CD48: variants seen among roughly 807,000 people sequenced by gnomAD.
CD48 encodes the protein CD48 antigen.
CD48 carries 20 observed loss-of-function variants against 22.0 expected under a neutral mutation model. That is an observed-to-expected ratio of 0.91 (90% CI 0.64 to 1.32). The LOEUF is 1.32. Ranked by LOEUF, CD48 falls within the 40% of genes most tolerant of loss-of-function variation. The probability of loss-of-function intolerance (pLI) is 0.00; values close to 1 mark genes in which losing one functional copy is unlikely to be tolerated. For missense variants in CD48, 307 were observed against 286.5 expected (o/e 1.07, Z -0.52); for synonymous variants, 110 against 110.1 (o/e 1.00, Z 0.01).
intron 1 of CD48, 41 bp downstream of exon 1, chr1:160,711,641 C>T (rs542657286): frequency 4.8e-6 from 7 of 1,453,000 alleles, no homozygotes; most frequent in Non-Finnish European, 6.8e-6. Context: ...CTGACCATGC[C>T]TTCAGTGCAC....
intron 1 of CD48, among the ~76,000 whole-genome samples, chr1:160,692,722 G>A (rs373757989): frequency 1.3e-5 from 2 of 151,896 alleles, no homozygotes; most frequent in South Asian, 2.1e-4. Context: ...ATACTGAGGC[G>A]TGGCAATTCC....
chr1:160,691,829 G>A, intron 1 of CD48: 1 of 365,444 alleles, frequency 2.7e-6, no homozygotes, highest in African/African-American at 2.1e-5. Context: ...AAGTCGACAA[G>A]AGATCCCGAG....
chr1:160,688,026 G>A (rs565248205), intron 1 of CD48, among the ~76,000 whole-genome samples: 5 of 152,278 alleles, frequency 3.3e-5, no homozygotes, highest in East Asian at 1.9e-4. Context: ...TATTCCAATC[G>A]CACTGCATTT....
intron 1 of CD48, among the ~76,000 whole-genome samples, chr1:160,705,004 A>G (rs1222776606): frequency 1.3e-5 from 2 of 152,192 alleles, no homozygotes; most frequent in East Asian, 3.9e-4. Context: ...AAGAAGAGGA[A>G]ATATGTCCTA....
intron 2 of CD48, chr1:160,684,542 A>G: frequency 1.7e-6 from 1 of 576,154 alleles, no homozygotes; most frequent in Non-Finnish European, 3.0e-6. Flanking sequence ...TCTTAAGTCC[A>G]ATGAAGCCTA....
At chr1:160,694,602 C>A (rs1662342626) in intron 1 of CD48, among the ~76,000 whole-genome samples, 1 of 152,022 alleles carries the variant, frequency 6.6e-6, no homozygotes, top group Admixed American at 6.6e-5. Flanking sequence ...GCGGAAATCA[C>A]CATGACCGCT....
intron 2 of CD48, 66 bp from the exon 3 acceptor site, chr1:160,681,534 C>A: frequency 6.4e-7 from 1 of 1,569,044 alleles, no homozygotes; most frequent in Non-Finnish European, 8.6e-7. Context: ...GTTTAGCCAA[C>A]AAAGAACAAA....
rs1378385422 is a variant in CD48, at chr1:160,711,318, A to C, written c.82+364T>G. On this transcript the variant is annotated intron_variant, in intron 1 of 3. Transcript: ENST00000368046. ...TCTCAAAGAATGCCTAAGGGAGTAC[A>C]GTGTGTCTGAGCATAAAATGCAGCA... Among the ~76,000 whole-genome samples the C allele has an allele frequency of 2.6e-5, 4 of 152,218 alleles. No individual in the cohort carries two copies. In the East Asian group the frequency reaches 5.8e-4, roughly 22 times the overall value.
chr1:160,684,804 G>A, intron 2 of CD48, 83 bp downstream of exon 2: 1 of 1,613,964 alleles, frequency 6.2e-7, no homozygotes, highest in Non-Finnish European at 8.5e-7. Context: ...CCCCGAGAGT[G>A]CCCCATGCCT....
rs72480260 is a variant in CD48, at chr1:160,696,751, G to T, written c.83-11562C>A. Among the ~76,000 whole-genome samples the T allele has an allele frequency of 4.1e-3, 582 of 141,016 alleles. 7 individuals are homozygous for T. In the East Asian group the frequency reaches 0.065, roughly 16 times the overall value. 92.5% of individuals were successfully genotyped at this position (141,016 alleles called of 152,430 possible). A position where few individuals can be genotyped will look rare whatever the true frequency, so the allele number is the denominator to read the frequency against. On this transcript the variant is annotated intron_variant, in intron 1 of 3. Transcript: ENST00000368046. ...TTGATACTTATTCACATTTCATGTG[G>T]GCAACTTGCCAAACAGGAGAAAGTA...
chr1:160,706,881 T>G (rs1386779282), intron 1 of CD48, among the ~76,000 whole-genome samples: 1 of 152,214 alleles, frequency 6.6e-6, no homozygotes, highest in East Asian at 1.9e-4. Flanking sequence ...AAAGAGTAAG[T>G]TCCGGTTACT....
chr1:160,711,722 C>CACG lies in CD48; in HGVS notation c.41_42insCGT (p.Leu14delinsPheVal). 1 of 1,613,804 alleles carries CACG rather than the reference C, an allele frequency of 6.2e-7. No individual in the cohort carries two copies. Among genetic ancestry groups the CACG allele is most frequent in the Non-Finnish European group, 8.5e-7 (1 of 1,179,752 alleles). On this transcript the variant is annotated protein_altering_variant, in exon 1 of 4. Coordinates refer to ENST00000368046, the MANE Select transcript of CD48 (RefSeq NM_001778.4). ...CCAGGAGTGACAGAGGCAGCAGTAG[C>CACG]AATTCCAGAGCCAGACACGAATCCC... is the stretch of plus-strand genomic sequence containing the variant.
In CD48 at chr1:160,711,682, C is replaced by T. The variant is rs1452252234; in HGVS notation, c.82G>A (p.Gly28Ser). ...PLSLLVTSIQ[G>S]HLVHMTVVSG... ...CAGATACACAGTTGGTGGAAAGTAC[C>T]TTGAATGCTGGTCACCAGGAGTGAC... The change falls in exon 1 of 4, where the codon GGT becomes AGT. Residue 28 changes from glycine to serine, a missense_variant and splice_region_variant. By Grantham distance (56) the Gly-to-Ser change is moderately conservative (BLOSUM62 0). Transcript: ENST00000368046. 4 of 1,610,700 alleles carry T rather than the reference C, an allele frequency of 2.5e-6. No individual in the cohort carries two copies. Among genetic ancestry groups the T allele is most frequent in the Admixed American group, 1.7e-5 (1 of 59,998 alleles).
chr1:160,702,210 A>AC (rs1451222911), intron 1 of CD48, among the ~76,000 whole-genome samples: 1 of 152,080 alleles, frequency 6.6e-6, no homozygotes, highest in Non-Finnish European at 1.5e-5. Context: ...AGGGCCAGTG[A>AC]CCCCCGTGGG....
intron 1 of CD48, among the ~76,000 whole-genome samples, chr1:160,709,693 C>T (rs1558041082): frequency 1.3e-5 from 2 of 152,184 alleles, no homozygotes; most frequent in Admixed American, 6.5e-5. Flanking sequence ...AGAAGCATCC[C>T]TTACGGCAGA....
chr1:160,697,743 G>C (rs1273614393), intron 1 of CD48, among the ~76,000 whole-genome samples: 1 of 152,134 alleles, frequency 6.6e-6, no homozygotes, highest in Non-Finnish European at 1.5e-5. Flanking sequence ...GTGGCCAATA[G>C]TGTGGTGATA....
At chr1:160,707,013 G>A (rs1265972355) in intron 1 of CD48, among the ~76,000 whole-genome samples, 8 of 152,234 alleles carry the variant, frequency 5.3e-5, no homozygotes, top group Admixed American at 5.2e-4. Flanking sequence ...GAAGATGAGT[G>A]TTAAGGATGT....
At position 160,682,371 on chromosome 1, in the gene CD48, G is replaced by C. The variant is rs367966119; in HGVS notation, c.386-903C>G. On this transcript the variant is annotated intron_variant, in intron 2 of 3. Transcript: ENST00000368046. ...CCCTGCTACTCAGGAGGCTGAGGTA[G>C]GAGGATTGCTGGAGCCCAGGAGTTC... 5.2e-4 allele frequency among the ~76,000 whole-genome samples: 78 copies of C among 151,386 alleles called. 1 individual carries two copies. In the South Asian group the frequency reaches 0.012, roughly 24 times the overall value.
rs1239520659 is a variant in CD48, at chr1:160,707,295, G to A, written c.82+4387C>T. On this transcript the variant is annotated intron_variant, in intron 1 of 3. Transcript: ENST00000368046. Reference sequence around the variant, plus strand: ...TGAATGGGAAAAAGAATGGTAGGGCGGTATGTAAAGGGTCATGAAAAAGTA... The same window carrying A: ...TGAATGGGAAAAAGAATGGTAGGGCAGTATGTAAAGGGTCATGAAAAAGTA... 5.9e-5 allele frequency among the ~76,000 whole-genome samples: 9 copies of A among 152,116 alleles called. 1 individual carries two copies. The highest frequency in any genetic ancestry group is 1.2e-4 in the Non-Finnish European group (8 of 68,026).
Sources: allele counts gnomAD v4.1 joint callset (sites outside exome capture counted in the v4.1 genomes callset), GRCh38; gene constraint gnomAD v4.1.1; transcripts MANE v1.5; gene names NCBI Gene and HGNC (gene_info 2026-07-23, HGNC 2026-07-21).